The following TATDN1 variants were observed in gnomAD, a reference collection of about 807,000 sequenced individuals.
TATDN1 encodes the protein TatD DNase domain containing 1.
TATDN1 carries 40 observed loss-of-function variants against 46.4 expected under a neutral mutation model. That is an observed-to-expected ratio of 0.86 (90% CI 0.67 to 1.12). The LOEUF is 1.12. TATDN1 is among the 50% of genes most tolerant of loss of function. The probability of loss-of-function intolerance (pLI) is 0.00; values close to 1 mark genes in which losing one functional copy is unlikely to be tolerated. For synonymous variants in TATDN1, 95 were observed against 105.6 expected, an observed-to-expected ratio of 0.90 and a Z score of 0.62; for missense variants, 326 against 348.4, an observed-to-expected ratio of 0.94 and a Z score of 0.51.
intron 4 of TATDN1, among the ~76,000 whole-genome samples, chr8:124,517,763 T>C (rs1819613343): frequency 6.6e-6 from 1 of 152,218 alleles, no homozygotes; most frequent in Admixed American, 6.5e-5. Context: ...TTATATAGTG[T>C]TATTATTTGC....
intron 1 of TATDN1, among the ~76,000 whole-genome samples, chr8:124,529,458 TA>T (rs906570129): frequency 3.4e-4 from 52 of 152,064 alleles, no homozygotes; most frequent in African/African-American, 1.2e-3. Context: ...TACGGGGGGT[TA>T]CAAAATATCT....
chr8:124,494,656 T>A (rs564205804), intron 10 of TATDN1: 1 of 152,056 alleles, frequency 6.6e-6, no homozygotes, highest in Non-Finnish European at 1.5e-5. Context: ...ACAATTCTCG[T>A]GCCTCAGGCT....
intron 1 of TATDN1, among the ~76,000 whole-genome samples, chr8:124,528,177 G>A (rs1267896504): frequency 6.6e-6 from 1 of 151,898 alleles, no homozygotes; most frequent in Non-Finnish European, 1.5e-5. Flanking sequence ...TTCTCTAACA[G>A]TGTCTTTTTT....
At chr8:124,534,382 A>G (rs1211204605) in intron 1 of TATDN1, among the ~76,000 whole-genome samples, 2 of 152,216 alleles carry the variant, frequency 1.3e-5, no homozygotes, top group African/African-American at 4.8e-5. Context: ...CTATTTACAT[A>G]CTGTCTATCA....
intron 6 of TATDN1, among the ~76,000 whole-genome samples, chr8:124,515,443 C>T (rs1054026248): frequency 7.2e-5 from 11 of 152,144 alleles, no homozygotes; most frequent in African/African-American, 2.4e-4. Flanking sequence ...GAACTGTTCA[C>T]GTATGAATGC....
intron 1 of TATDN1, chr8:124,538,786 A>C: frequency 1.7e-6 from 1 of 592,526 alleles, no homozygotes; most frequent in Non-Finnish European, 3.0e-6. Context: ...AACAGCACAA[A>C]AATCATAACT....
intron 1 of TATDN1, among the ~76,000 whole-genome samples, chr8:124,534,145 CAAAAAAAAAAAAAAAAAAAAA>C (rs869060230): frequency 0.012 from 607 of 51,352 alleles, 23 homozygotes; most frequent in African/African-American, 0.059. Flanking sequence ...GACTCCGTCT[CAAAAAAAAAAAAAAAAAAAAA>C]AAAAAAAAAA....
chr8:124,495,811 C>CT (rs1373494440), intron 9 of TATDN1, among the ~76,000 whole-genome samples: 16 of 152,160 alleles, frequency 1.1e-4, no homozygotes, highest in Non-Finnish European at 1.8e-4. Flanking sequence ...TAAAATTTAA[C>CT]TTTTTAAAAG....
At chr8:124,510,235 AAG>A (rs547594505) in intron 6 of TATDN1, among the ~76,000 whole-genome samples, 29 of 152,244 alleles carry the variant, frequency 1.9e-4, no homozygotes, top group Admixed American at 5.2e-4. Flanking sequence ...CTTGGACAAA[AAG>A]AGATTTTGAT....
rs62527905 is a variant in TATDN1, at chr8:124,499,693, G to A, written c.594-4151C>T. Among the ~76,000 whole-genome samples, 354 of 141,296 alleles carry A rather than the reference G, an allele frequency of 2.5e-3. 2 individuals carry two copies. The highest frequency in any genetic ancestry group is 0.013 in the Middle Eastern group (3 of 224). The allele number at this position is 141,296 out of a possible 152,430, so 92.7% of individuals were successfully genotyped here. On this transcript the variant is annotated intron_variant, in intron 9 of 11. Coordinates refer to ENST00000276692, the MANE Select transcript of TATDN1 (RefSeq NM_032026.4). ...CGAGTAGCTGGGACTACAGGCGCCC[G>A]CCACCACACCCGGCTAATTTTTTTG...
At chr8:124,493,008 C>T (rs1358325153) in intron 11 of TATDN1, among the ~76,000 whole-genome samples, 1 of 152,014 alleles carries the variant, frequency 6.6e-6, no homozygotes, top group African/African-American at 2.4e-5. Flanking sequence ...GGAAAAGAAC[C>T]TTTCAAACAT....
At chr8:124,497,288 C>CTT (rs750659706) in intron 9 of TATDN1, among the ~76,000 whole-genome samples, 63 of 101,156 alleles carry the variant, frequency 6.2e-4, no homozygotes, top group African/African-American at 1.7e-3. Flanking sequence ...CTTTCTTCTT[C>CTT]TTTTTTTTTT....
Position 124,508,661 on chromosome 8 carries a change from T to C in TATDN1, c.417A>G (p.Ser139=). 6.3e-7 allele frequency: 1 copy of C among 1,583,718 alleles called. No individual in the cohort carries two copies. The highest frequency in any genetic ancestry group is 8.6e-7 in the Non-Finnish European group (1 of 1,165,684). Residue 139 remains serine (S), a synonymous_variant, in exon 7 of 12, where the codon TCA becomes TCG. Coordinates refer to ENST00000276692, the MANE Select transcript of TATDN1 (RefSeq NM_032026.4). The stretch of plus-strand genomic sequence containing the variant: ...GAAACATTGGTAATTTTGTTTGTTC[T>C]GACAGTTCAAACTGTTTTTCAAAAT... ...LKYFEKQFEL[S]EQTKLPMFLH... is the part of the protein sequence containing the mutation.
intron 9 of TATDN1, among the ~76,000 whole-genome samples, chr8:124,499,852 CT>C (rs375649000): frequency 4.3e-4 from 54 of 124,622 alleles, no homozygotes; most frequent in Admixed American, 4.9e-4. Flanking sequence ...CCCCCATGTT[CT>C]TTTTTTTTTT....
intron 9 of TATDN1, among the ~76,000 whole-genome samples, chr8:124,499,169 T>C (rs1035393415): frequency 6.6e-6 from 1 of 151,974 alleles, no homozygotes; most frequent in Non-Finnish European, 1.5e-5. Flanking sequence ...TTTATTTTAG[T>C]AGGATTTTAG....
chr8:124,536,311 G>A (rs1464263325), intron 1 of TATDN1, among the ~76,000 whole-genome samples: 1 of 152,188 alleles, frequency 6.6e-6, no homozygotes, highest in Non-Finnish European at 1.5e-5. Flanking sequence ...AGAACTTTGG[G>A]AGGCGGAGGT....
chr8:124,496,712 C>T (rs563596329), intron 9 of TATDN1, among the ~76,000 whole-genome samples: 1 of 152,304 alleles, frequency 6.6e-6, no homozygotes, highest in East Asian at 1.9e-4. Context: ...TATCCATTCA[C>T]CTACTGAGGA....
At chr8:124,496,576 C>T (rs1284375680) in intron 9 of TATDN1, among the ~76,000 whole-genome samples, 1 of 152,208 alleles carries the variant, frequency 6.6e-6, no homozygotes. Flanking sequence ...TTGAATTACA[C>T]AGTATGTAGT....
At chr8:124,494,015 T>C in intron 10 of TATDN1, 56 bp from the exon 11 acceptor site, 3 of 1,516,614 alleles carry the variant, frequency 2.0e-6, no homozygotes, top group Non-Finnish European at 2.6e-6. Context: ...AAATTTTTTA[T>C]GACCATTATC....
Sources: gnomAD v4.1 joint callset for allele counts (sites outside exome capture counted in the v4.1 genomes callset) on GRCh38, gnomAD v4.1.1 for gene constraint, MANE v1.5 for transcripts, NCBI Gene and HGNC (gene_info 2026-07-23, HGNC 2026-07-21) for gene names.